The following CCNF variants were observed in gnomAD, a reference collection of about 807,000 sequenced individuals.
The protein encoded by CCNF is cyclin-F.
CCNF carries 30 observed loss-of-function variants against 85.4 expected under a neutral mutation model. The observed-to-expected ratio is 0.35, with a 90% confidence interval of 0.26 to 0.48. The LOEUF is 0.48. Among genes scored for constraint, CCNF ranks in the 20% least tolerant of loss-of-function variants. The pLI, the probability that CCNF is intolerant of heterozygous loss-of-function variation, is 0.99. For synonymous variants in CCNF, 439 were observed against 425.1 expected (o/e 1.03, Z -0.40); for missense variants, 919 against 1,010.4 (o/e 0.91, Z 1.23).
intron 10 of CCNF, among the ~76,000 whole-genome samples, chr16:2,447,507 C>T (rs1442923310): frequency 1.3e-5 from 2 of 152,020 alleles, no homozygotes; most frequent in East Asian, 3.9e-4. Context: ...TTGCTTGAAC[C>T]CGAGAGGCAG....
In CCNF at chr16:2,439,432, T is replaced by G; in HGVS notation, c.674T>G (p.Leu225Arg). ...GGATGTCTGACCAGCTCCTACCTCC[T>G]CTGGGAAAGCGACAGGAGGACAGAT... Reference protein sequence around the residue: ...HQGCLTSSYLLWESDRRTDVS... With the variant: ...HQGCLTSSYLRWESDRRTDVS... Residue 225 changes from leucine to arginine, a missense_variant, in exon 7 of 17, where the codon CTC (leucine) becomes CGC (arginine). This residue lies in a region of CCNF where 410 missense variants were observed against 478.6 expected (regional missense o/e 0.86). Transcript: ENST00000397066. 6.2e-7 allele frequency: 1 copy of G among 1,610,910 alleles called. No homozygotes were observed. Among genetic ancestry groups the G allele is most frequent in the Non-Finnish European group, 8.5e-7 (1 of 1,178,990 alleles).
intron 12 of CCNF, among the ~76,000 whole-genome samples, 176 bp downstream of exon 12, chr16:2,449,638 G>A (rs1009944432): frequency 2.0e-5 from 3 of 152,152 alleles, no homozygotes. Flanking sequence ...GAGCCTGCAC[G>A]CCCTATGTAT....
Position 2,458,838 on chromosome 16 carries a change from TGAG to T in CCNF, c.*1824_*1826del, listed in dbSNP as rs1243511918. ...ACAGGGGTGTTGTGAGGATTAAATG[TGAG>T]GAGGATAGTGGCAGATGAGTGATGG... On this transcript the variant is annotated 3_prime_UTR_variant, in exon 17 of 17. Transcript: ENST00000397066. 5 of 152,292 alleles carry T rather than the reference TGAG, an allele frequency of 3.3e-5. No individual in the cohort carries two copies. The East Asian group carries it at 5.8e-4, about 18-fold the overall frequency. The allele number at this position is 152,292 out of a possible 1,614,324, so 9.4% of individuals were successfully genotyped here. A position where few individuals can be genotyped will look rare whatever the true frequency, so the allele number is the denominator to read the frequency against.
chr16:2,446,416 T>C (rs2065362749), intron 10 of CCNF, among the ~76,000 whole-genome samples: 1 of 152,228 alleles, frequency 6.6e-6, no homozygotes, highest in Non-Finnish European at 1.5e-5. Context: ...CACGTGGGTG[T>C]CTCTCAGCAG....
chr16:2,430,906 T>C (rs930016598), intron 1 of CCNF: 9 of 711,816 alleles, frequency 1.3e-5, no homozygotes, highest in South Asian at 7.2e-5. Context: ...AAATATTTGT[T>C]GAATATTTGA....
intron 3 of CCNF, among the ~76,000 whole-genome samples, chr16:2,434,080 TGGATCA>T (rs2065275649): frequency 6.8e-6 from 1 of 146,364 alleles, no homozygotes; most frequent in Admixed American, 6.8e-5. Context: ...CCAAGGCGGG[TGGATCA>T]CTTGAGGTCG....
At chr16:2,433,103 C>CTATG in intron 3 of CCNF, 36 bp downstream of exon 3, 1 of 1,350,070 alleles carries the variant, frequency 7.4e-7, no homozygotes, top group Non-Finnish European at 1.1e-6. Context: ...CAGTCTTCTC[C>CTATG]TGCCTTGGCC....
At chr16:2,446,894 C>T (rs1261752367) in intron 10 of CCNF, among the ~76,000 whole-genome samples, 3 of 152,206 alleles carry the variant, frequency 2.0e-5, no homozygotes, top group South Asian at 2.1e-4. Flanking sequence ...TCTCACCAGA[C>T]GGGAACTGGG....
chr16:2,429,767 G>C (rs1305724883), intron 1 of CCNF, among the ~76,000 whole-genome samples: 1 of 149,678 alleles, frequency 6.7e-6, no homozygotes, highest in Non-Finnish European at 1.5e-5. Flanking sequence ...ATCGGGTCCC[G>C]GGGCAGCGAT....
In CCNF at chr16:2,451,543, C is replaced by T. The variant is rs2065395232; in HGVS notation, c.1487+1628C>T. 6.6e-6 allele frequency among the ~76,000 whole-genome samples: 1 copy of T among 152,184 alleles called. No individual in the cohort carries two copies. Among genetic ancestry groups the T allele is most frequent in the African/African-American group, 2.4e-5 (1 of 41,426 alleles). On this transcript the variant is annotated intron_variant, in intron 13 of 16. Coordinates refer to ENST00000397066, the MANE Select transcript of CCNF (RefSeq NM_001761.3). The surrounding 1 kb of genome is among the most constrained non-coding windows in gnomAD (Gnocchi z 4.3). The stretch of plus-strand genomic sequence containing the variant: ...TGGCTTCCTTTTCCTCAGCCAAATC[C>T]AGCAGACTCAGCGGTGTGGGCTTTT...
intron 10 of CCNF, among the ~76,000 whole-genome samples, chr16:2,448,538 C>A (rs2065374390): frequency 6.6e-6 from 1 of 152,224 alleles, no homozygotes; most frequent in Non-Finnish European, 1.5e-5. Context: ...TCCCAAGTAA[C>A]TGAGACTATA....
At position 2,439,782 on chromosome 16, in the gene CCNF, C is replaced by G; in HGVS notation, c.733C>G (p.Arg245Gly). 6.2e-7 allele frequency: 1 copy of G among 1,614,150 alleles called. No individual in the cohort carries two copies. The highest frequency in any genetic ancestry group is 1.7e-5 in the Admixed American group (1 of 60,012). The change falls in exon 8 of 17, where the codon CGA becomes GGA. Residue 245 changes from arginine to glycine, a missense_variant. Transcript: ENST00000397066. ...SDPGRCLHSF[R>G]KLRDYAAKGC... ...TCCTGGGCGATGCCTCCACAGCTTC[C>G]GAAAACTCAGGGACTACGCTGCCAA...
intron 7 of CCNF, 23 bp downstream of exon 7, chr16:2,439,480 C>CG (rs757482931): frequency 2.0e-6 from 3 of 1,537,284 alleles, no homozygotes; most frequent in Non-Finnish European, 2.7e-6. Flanking sequence ...TGCTCTGGGT[C>CG]GGGGGGAGTT....
At chr16:2,442,970 T>A (rs1365125509) in intron 8 of CCNF, among the ~76,000 whole-genome samples, 2 of 103,412 alleles carry the variant, frequency 1.9e-5, no homozygotes, top group African/African-American at 7.9e-5. Flanking sequence ...TTTATATATT[T>A]ATATATTATA....
chr16:2,448,990 T>C lies in CCNF; in HGVS notation c.1218+12T>C. 6.2e-7 allele frequency: 1 copy of C among 1,613,804 alleles called. No homozygotes were observed. Among genetic ancestry groups the C allele is most frequent in the Non-Finnish European group, 8.5e-7 (1 of 1,179,836 alleles). On this transcript the variant is annotated intron_variant, in intron 11 of 16. Coordinates refer to ENST00000397066, the MANE Select transcript of CCNF (RefSeq NM_001761.3). ...AAGGGAAGATTCGAGTAAGCAGCGG[T>C]TCCATTTTCCTTATTAATCTTCGTT...
Position 2,429,485 on chromosome 16 carries a change from G to T in CCNF, c.4G>T (p.Gly2Trp), listed in dbSNP as rs1171871439. The change falls in exon 1 of 17, where the codon GGG becomes TGG. Residue 2 changes from glycine (G) to tryptophan (W), a missense_variant. Physicochemically the swap from Gly to Trp is radical, Grantham distance 184 (BLOSUM62 -2). Transcript: ENST00000397066. M[G>W]SGGVVHCRCA... ...CGGCAGCGACGCGAGCGCGGCGATG[G>T]GGAGCGGCGGCGGTGAGTGCGGGGC... 2 of 1,230,784 alleles carry T rather than the reference G, an allele frequency of 1.6e-6. No homozygotes were observed. Among genetic ancestry groups the T allele is most frequent in the Non-Finnish European group, 1.0e-6 (1 of 987,370 alleles). 76.2% of individuals were successfully genotyped at this position (1,230,784 alleles called of 1,614,324 possible). A position where few individuals can be genotyped will look rare whatever the true frequency, so the allele number is the denominator to read the frequency against.
intron 6 of CCNF, among the ~76,000 whole-genome samples, chr16:2,438,698 A>G (rs372292640): frequency 2.5e-4 from 38 of 152,042 alleles, no homozygotes; most frequent in African/African-American, 3.4e-4. Context: ...GTGATTGAAC[A>G]TCAAGTAAAG....
intron 15 of CCNF, among the ~76,000 whole-genome samples, chr16:2,454,017 C>G (rs2065410334): frequency 6.6e-6 from 1 of 152,194 alleles, no homozygotes; most frequent in South Asian, 2.1e-4. Flanking sequence ...CTCTTTCTAC[C>G]TCACCCGCCT....
Position 2,453,675 on chromosome 16 carries a change from G to A in CCNF, c.1715+138G>A. 7.8e-6 allele frequency: 9 copies of A among 1,152,168 alleles called. No homozygotes were observed. Among genetic ancestry groups the A allele is most frequent in the Non-Finnish European group, 1.1e-5 (9 of 806,412 alleles). 71.4% of individuals were successfully genotyped at this position (1,152,168 alleles called of 1,614,324 possible). ...GCAGATCCCAGGACAGTGACCCTGG[G>A]ACGGAGCCCTGCAGTCATGCCTCGG... On this transcript the variant is annotated intron_variant, in intron 15 of 16. Transcript: ENST00000397066. The surrounding 1 kb of genome is among the most constrained non-coding windows in gnomAD (Gnocchi z 5.6).
Sources: gnomAD v4.1 joint callset for allele counts (sites outside exome capture counted in the v4.1 genomes callset) on GRCh38, gnomAD v4.1.1 for gene constraint, gnomAD v4.1.1 regional missense constraint, Gnocchi (gnomAD v3.1) non-coding constraint, MANE v1.5 for transcripts, NCBI Gene and HGNC (gene_info 2026-07-23, HGNC 2026-07-21) for gene names.